GPC6: variants seen among roughly 807,000 people sequenced by gnomAD.
GPC6 encodes glypican 6.
Under a neutral mutation model 55.2 loss-of-function variants are expected in GPC6, and 14 were observed. The ratio of observed to expected loss-of-function variants is 0.25; its 90% CI spans 0.17 to 0.40. The LOEUF (loss-of-function observed/expected upper bound fraction) is 0.40, where lower values mean the gene tolerates loss of function less well. Ranked by LOEUF, GPC6 falls within the 10% of genes least tolerant of loss-of-function variation. GPC6 has a pLI of 1.00. For missense variants in GPC6, 641 were observed against 708.5 expected, an observed-to-expected ratio of 0.90 and a Z score of 1.08; for synonymous variants, 278 against 259.6, an observed-to-expected ratio of 1.07 and a Z score of -0.68.
At chr13:93,422,075 C>T (rs185549075) in intron 1 of GPC6, among the ~76,000 whole-genome samples, 8 of 152,282 alleles carry the variant, frequency 5.3e-5, no homozygotes, top group Admixed American at 5.2e-4. Flanking sequence ...CCTTGATACA[C>T]TTCCACTTTG....
chr13:93,727,876 C>T (rs147954345), intron 2 of GPC6, among the ~76,000 whole-genome samples: 1 of 152,238 alleles, frequency 6.6e-6, no homozygotes, highest in Non-Finnish European at 1.5e-5. Flanking sequence ...CGCTGCTAAA[C>T]ATTCCTAACC....
At chr13:93,422,663 A>G (rs1311575778) in intron 1 of GPC6, among the ~76,000 whole-genome samples, 3 of 152,202 alleles carry the variant, frequency 2.0e-5, no homozygotes, top group Non-Finnish European at 4.4e-5. Flanking sequence ...AACAAAAGAC[A>G]GGCAGATTTA....
At chr13:94,136,271 T>C (rs77864978) in intron 4 of GPC6, among the ~76,000 whole-genome samples, 6,512 of 151,492 alleles carry the variant, frequency 0.043, 473 homozygotes, top group African/African-American at 0.15. Flanking sequence ...TTCTGTGAAC[T>C]ACTGATTGGA....
intron 1 of GPC6, among the ~76,000 whole-genome samples, chr13:93,508,150 A>G (rs1880809031): frequency 6.6e-6 from 1 of 152,214 alleles, no homozygotes; most frequent in Non-Finnish European, 1.5e-5. Context: ...AGGGATAAAG[A>G]GTGATGAGAG....
intron 3 of GPC6, among the ~76,000 whole-genome samples, chr13:93,844,381 C>T (rs1888088237): frequency 6.6e-6 from 1 of 152,128 alleles, no homozygotes; most frequent in Non-Finnish European, 1.5e-5. Flanking sequence ...TCATGGTCCG[C>T]CCACCTCAGC....
At chr13:93,937,736 GC>G (rs1878508829) in intron 3 of GPC6, among the ~76,000 whole-genome samples, 1 of 152,002 alleles carries the variant, frequency 6.6e-6, no homozygotes, top group African/African-American at 2.4e-5. Context: ...GTGCCACTGT[GC>G]TTGGCTAATT....
chr13:93,504,487 T>TTG (rs1276423870), intron 1 of GPC6, among the ~76,000 whole-genome samples: 7 of 150,774 alleles, frequency 4.6e-5, no homozygotes, highest in Non-Finnish European at 8.9e-5. Context: ...ACATAGTTTT[T>TTG]TTTTTTTTTT....
chr13:93,869,156 C>G (rs1468048194), intron 3 of GPC6, among the ~76,000 whole-genome samples: 1 of 151,802 alleles, frequency 6.6e-6, no homozygotes, highest in Non-Finnish European at 1.5e-5. Context: ...TTTTTACAGC[C>G]CACGGTTGGA....
At chr13:93,340,751 CGAA>C (rs1880227808) in intron 1 of GPC6, among the ~76,000 whole-genome samples, 1 of 151,982 alleles carries the variant, frequency 6.6e-6, no homozygotes, top group Admixed American at 6.5e-5. Context: ...TGGACCATAG[CGAA>C]GAAGACTTAT....
chr13:93,330,601 C>T (rs995245560), intron 1 of GPC6, among the ~76,000 whole-genome samples: 1 of 152,102 alleles, frequency 6.6e-6, no homozygotes, highest in Admixed American at 6.6e-5. Flanking sequence ...AAATCACTGC[C>T]TTATCATGAA....
chr13:93,542,824 TTGTC>T (rs1882374407), intron 1 of GPC6, among the ~76,000 whole-genome samples: 1 of 152,124 alleles, frequency 6.6e-6, no homozygotes, highest in Admixed American at 6.6e-5. Context: ...GGCTCTCTGT[TTGTC>T]TGTTATTGGT....
At chr13:94,309,299 T>C (rs1196850898) in intron 6 of GPC6, among the ~76,000 whole-genome samples, 5 of 152,146 alleles carry the variant, frequency 3.3e-5, no homozygotes, top group African/African-American at 1.2e-4. Context: ...CCATTTAAAT[T>C]AGTACCTGTG....
At chr13:94,243,953 C>T (rs2139029131) in intron 4 of GPC6, among the ~76,000 whole-genome samples, 1 of 152,074 alleles carries the variant, frequency 6.6e-6, no homozygotes, top group Non-Finnish European at 1.5e-5. Context: ...GTAAAGCTGC[C>T]CCTATAAATG....
chr13:93,830,150 G>T lies in GPC6; in HGVS notation c.320-4G>T, dbSNP rs1415713776. 1.9e-6 allele frequency: 3 copies of T among 1,606,574 alleles called. No homozygotes were observed. The Admixed American group carries it at 5.1e-5, about 27-fold the overall frequency. ...TTTATGACTTCTTTCTGTTTTATCT[G>T]CAGAATTTTTCCGAGAGCTCCTGGA... On this transcript the variant is annotated splice_region_variant and splice_polypyrimidine_tract_variant and intron_variant, in intron 2 of 8. Transcript: ENST00000377047.
intron 2 of GPC6, among the ~76,000 whole-genome samples, chr13:93,605,459 A>G (rs368514982): frequency 1.3e-5 from 2 of 152,170 alleles, no homozygotes; most frequent in South Asian, 2.1e-4. Flanking sequence ...GCTGATTTCT[A>G]TATCAGGATA....
At chr13:94,060,555 C>G (rs1594703761) in intron 4 of GPC6, among the ~76,000 whole-genome samples, 2 of 152,212 alleles carry the variant, frequency 1.3e-5, no homozygotes, top group East Asian at 3.9e-4. Context: ...ACCACCATAC[C>G]CTAAAAGGAT....
chr13:93,319,024 C>T (rs565169067), intron 1 of GPC6, among the ~76,000 whole-genome samples: 2 of 152,184 alleles, frequency 1.3e-5, no homozygotes, highest in South Asian at 2.1e-4. Context: ...GAGTCAGTCT[C>T]ACAATACACA....
chr13:94,293,746 C>G (rs1293408330), intron 5 of GPC6, among the ~76,000 whole-genome samples: 3 of 152,114 alleles, frequency 2.0e-5, no homozygotes, highest in Admixed American at 2.0e-4. Flanking sequence ...AGCCTGAGGT[C>G]GTGTAACAAA....
chr13:93,565,197 C>T (rs1202745053), intron 2 of GPC6, among the ~76,000 whole-genome samples: 1 of 152,132 alleles, frequency 6.6e-6, no homozygotes, highest in East Asian at 1.9e-4. Flanking sequence ...CATTTCTGCC[C>T]TCCCTTTATC....
Sources: gnomAD v4.1 joint callset for allele counts (sites outside exome capture counted in the v4.1 genomes callset) on GRCh38, gnomAD v4.1.1 for gene constraint, MANE v1.5 for transcripts, NCBI Gene and HGNC (gene_info 2026-07-23, HGNC 2026-07-21) for gene names.